The following ZNRF3 variants were observed in gnomAD, a reference collection of about 807,000 sequenced individuals.
ZNRF3 encodes the protein E3 ubiquitin-protein ligase ZNRF3.
In ZNRF3, 23 loss-of-function variants were observed where a neutral mutation model predicts 72.5. That is an observed-to-expected ratio of 0.32 (90% CI 0.23 to 0.45). The LOEUF is 0.45. Ranked by LOEUF, ZNRF3 falls within the 20% of genes least tolerant of loss-of-function variation. The pLI is 1.00. For missense variants in ZNRF3, 1,169 were observed against 1,272.1 expected, an observed-to-expected ratio of 0.92 and a Z score of 1.23; for synonymous variants, 610 against 545.3, an observed-to-expected ratio of 1.12 and a Z score of -1.65.
At chr22:28,959,462 A>G (rs2035318924) in intron 1 of ZNRF3, among the ~76,000 whole-genome samples, 1 of 152,252 alleles carries the variant, frequency 6.6e-6, no homozygotes, top group African/African-American at 2.4e-5. Context: ...ACCAAGGCAC[A>G]TGCTTGTGTC....
chr22:28,962,780 G>GT (rs2035388016), intron 1 of ZNRF3, among the ~76,000 whole-genome samples: 1 of 152,244 alleles, frequency 6.6e-6, no homozygotes, highest in African/African-American at 2.4e-5. Flanking sequence ...AATGTTCTGT[G>GT]TTGTGGTTGC....
chr22:28,910,123 C>T (rs1401312118), intron 1 of ZNRF3, among the ~76,000 whole-genome samples: 1 of 151,810 alleles, frequency 6.6e-6, no homozygotes, highest in Non-Finnish European at 1.5e-5. Flanking sequence ...GCAACCTCTG[C>T]CTCCTGGGTT....
At chr22:28,978,956 T>TGGA (rs2035721514) in intron 1 of ZNRF3, among the ~76,000 whole-genome samples, 2 of 152,206 alleles carry the variant, frequency 1.3e-5, no homozygotes, top group Non-Finnish European at 2.9e-5. Context: ...TGTAAGTTTT[T>TGGA]GTTTTTTTTC....
At chr22:28,886,919 G>C (rs1365654748) in intron 1 of ZNRF3, among the ~76,000 whole-genome samples, 6 of 152,110 alleles carry the variant, frequency 3.9e-5, no homozygotes, top group Non-Finnish European at 8.8e-5. Flanking sequence ...TTACACCACT[G>C]TACTCCAGCC....
At chr22:28,965,491 A>G (rs2123807822) in intron 1 of ZNRF3, among the ~76,000 whole-genome samples, 1 of 152,360 alleles carries the variant, frequency 6.6e-6, no homozygotes, top group Admixed American at 6.5e-5. Flanking sequence ...AAACCCAGGC[A>G]GGCTGTGAGC....
intron 1 of ZNRF3, among the ~76,000 whole-genome samples, chr22:28,984,087 C>G (rs1237836607): frequency 6.6e-6 from 1 of 151,546 alleles, no homozygotes; most frequent in African/African-American, 2.4e-5. Context: ...GGGCGTAAGT[C>G]ATTCCTGAGT....
At chr22:28,918,530 ATGTGTGCGTGTGTGTG>A (rs1235214487) in intron 1 of ZNRF3, among the ~76,000 whole-genome samples, 2 of 33,020 alleles carry the variant, frequency 6.1e-5, no homozygotes, top group East Asian at 4.9e-4. Context: ...GTGTATCTGC[ATGTGTGCGTGTGTGTG>A]TGTGTGTGTG....
intron 1 of ZNRF3, among the ~76,000 whole-genome samples, chr22:28,953,616 A>G (rs1047069382): frequency 2.6e-5 from 4 of 152,252 alleles, no homozygotes; most frequent in African/African-American, 9.6e-5. Context: ...TCAGGGCTTC[A>G]ACTGAGCTTA....
chr22:29,042,848 C>G (rs550680440), intron 3 of ZNRF3, among the ~76,000 whole-genome samples: 26 of 152,000 alleles, frequency 1.7e-4, no homozygotes, highest in Admixed American at 1.5e-3. Context: ...AATTTCAGCT[C>G]ACTGCAATCT....
At chr22:29,022,856 G>A (rs1453356917) in intron 2 of ZNRF3, among the ~76,000 whole-genome samples, 1 of 152,140 alleles carries the variant, frequency 6.6e-6, no homozygotes, top group Non-Finnish European at 1.5e-5. Context: ...CAACTTCCCT[G>A]TAACAAATGA....
chr22:29,024,774 C>T (rs750922883), intron 2 of ZNRF3, among the ~76,000 whole-genome samples: 11 of 151,894 alleles, frequency 7.2e-5, no homozygotes, highest in Non-Finnish European at 1.3e-4. Context: ...ATTAGGGAAC[C>T]CCTTCCAGAA....
chr22:28,884,888 T>A (rs1249338387), intron 1 of ZNRF3, among the ~76,000 whole-genome samples: 1 of 152,180 alleles, frequency 6.6e-6, no homozygotes, highest in Admixed American at 6.5e-5. Flanking sequence ...GGAGGGACTC[T>A]CAACTGAAGC....
At chr22:28,921,799 T>C (rs778935201) in intron 1 of ZNRF3, among the ~76,000 whole-genome samples, 1 of 152,206 alleles carries the variant, frequency 6.6e-6, no homozygotes, top group Non-Finnish European at 1.5e-5. Flanking sequence ...GAAATGCTAT[T>C]ATCTTTCTAA....
intron 1 of ZNRF3, among the ~76,000 whole-genome samples, chr22:28,976,177 T>C (rs1252086695): frequency 6.6e-6 from 1 of 152,048 alleles, no homozygotes; most frequent in Non-Finnish European, 1.5e-5. Context: ...TATAAACATA[T>C]AAATGAGGCA....
chr22:28,955,241 G>A (rs1029212840), intron 1 of ZNRF3, among the ~76,000 whole-genome samples: 1 of 147,476 alleles, frequency 6.8e-6, no homozygotes, highest in Non-Finnish European at 1.5e-5. Flanking sequence ...TGGAGTCTTG[G>A]TGTGTTGCCC....
chr22:28,898,388 C>T (rs1274312952), intron 1 of ZNRF3, among the ~76,000 whole-genome samples: 1 of 152,152 alleles, frequency 6.6e-6, no homozygotes, highest in Non-Finnish European at 1.5e-5. Context: ...CCTGTGCTTC[C>T]TGGAGGTCTG....
rs1156617748 is a variant in ZNRF3, at chr22:28,970,550, CCTA to C, written c.301-16523_301-16521del. Among the ~76,000 whole-genome samples, 4 of 152,186 alleles carry C rather than the reference CCTA, an allele frequency of 2.6e-5. No homozygotes were observed. The South Asian group carries it at 6.2e-4, about 24-fold the overall frequency. On this transcript the variant is annotated intron_variant, in intron 1 of 8. Transcript: ENST00000544604. ...AAATAAAAACATTTGTCTACGCAAA[CCTA>C]CTCAAATATCCGTGGCAGCTTTATT...
At chr22:29,001,821 G>A (rs1173648641) in intron 2 of ZNRF3, among the ~76,000 whole-genome samples, 1 of 152,046 alleles carries the variant, frequency 6.6e-6, no homozygotes, top group Non-Finnish European at 1.5e-5. Flanking sequence ...TTCTTTGGTT[G>A]CTTGTGCTTT....
chr22:28,884,458 G>A (rs1403570332), intron 1 of ZNRF3, among the ~76,000 whole-genome samples: 1 of 152,238 alleles, frequency 6.6e-6, no homozygotes, highest in Non-Finnish European at 1.5e-5. Context: ...CAGGTTGCAG[G>A]CTTTGCTTTT....
Sources: allele counts gnomAD v4.1 joint callset (sites outside exome capture counted in the v4.1 genomes callset), GRCh38; gene constraint gnomAD v4.1.1; transcripts MANE v1.5; gene names NCBI Gene and HGNC (gene_info 2026-07-23, HGNC 2026-07-21).